Variants in ERMARD observed in about 807,000 individuals in gnomAD.
ERMARD encodes endoplasmic reticulum membrane-associated RNA degradation protein.
ERMARD carries 71 observed loss-of-function variants against 83.9 expected under a neutral mutation model. That is an observed-to-expected ratio of 0.85 (90% CI 0.70 to 1.03). The LOEUF (loss-of-function observed/expected upper bound fraction) is 1.03. ERMARD is among the 50% of genes least tolerant of loss of function. The pLI, the probability that ERMARD is intolerant of heterozygous loss-of-function variation, is 0.00. For missense variants in ERMARD, 838 were observed against 810.9 expected (o/e 1.03, Z -0.41); for synonymous variants, 284 against 298.6 (o/e 0.95, Z 0.50).
At position 169,759,959 on chromosome 6, in the gene ERMARD, T is replaced by A. The variant is rs763405923; in HGVS notation, c.727T>A (p.Leu243Met). ...SFISLTNLED[L>M]IVFPDVTYEV... ...CATATCTCTTACAAACCTCGAGGATTTGATTGTTTTTCCTGGTAAGTACTA... is the reference window on the plus strand; with the variant it reads ...CATATCTCTTACAAACCTCGAGGATATGATTGTTTTTCCTGGTAAGTACTA... Residue 243 changes from leucine to methionine, a missense_variant, in exon 7 of 18, where the codon TTG becomes ATG. Leu to Met is a conservative substitution (Grantham distance 15). Coordinates refer to ENST00000366773, the MANE Select transcript of ERMARD (RefSeq NM_018341.3). 5 of 1,614,146 alleles carry A rather than the reference T, an allele frequency of 3.1e-6. No homozygotes were observed. In the Admixed American group the frequency reaches 8.3e-5, roughly 27 times the overall value.
rs202050991 is a variant in ERMARD, at chr6:169,776,026, G to C, written c.1481G>C (p.Arg494Pro). 63 of 1,614,044 alleles carry C rather than the reference G, an allele frequency of 3.9e-5. No individual in the cohort carries two copies. The highest frequency in any genetic ancestry group is 4.0e-5 in the Non-Finnish European group (47 of 1,180,034). ...DELYHHMPEN[R>P]CVLKDLDRLP... ...CTGTATCACCATATGCCTGAGAATCGTTGTGTGTTAAAGGACTTGGATCGT... is the reference window on the plus strand; with the variant it reads ...CTGTATCACCATATGCCTGAGAATCCTTGTGTGTTAAAGGACTTGGATCGT... Residue 494 changes from arginine (R) to proline (P), a missense_variant, in exon 15 of 18, where the codon CGT (arginine) becomes CCT (proline). Transcript: ENST00000366773.
At chr6:169,753,728 T>C in intron 1 of ERMARD, 136 bp from the exon 2 acceptor site, 3 of 540,656 alleles carry the variant, frequency 5.5e-6, no homozygotes, top group Non-Finnish European at 9.3e-6. Context: ...ATCATACAGC[T>C]CTCACGATAT....
At chr6:169,755,648 T>C in intron 3 of ERMARD, 1 of 516,700 alleles carries the variant, frequency 1.9e-6, no homozygotes, top group Non-Finnish European at 3.4e-6. Flanking sequence ...TATCACAGGA[T>C]TAGGGGTTGG....
intron 1 of ERMARD, 131 bp from the exon 2 acceptor site, chr6:169,753,733 C>G (rs981554453): frequency 1.6e-5 from 9 of 558,884 alleles, no homozygotes; most frequent in Non-Finnish European, 2.6e-5. Context: ...ACAGCTCTCA[C>G]GATATCCAGA....
At chr6:169,780,780 T>A in intron 17 of ERMARD, among the ~76,000 whole-genome samples, 1 of 152,224 alleles carries the variant, frequency 6.6e-6, no homozygotes, top group East Asian at 1.9e-4. Context: ...TAGTTGGTCC[T>A]CTGTATCAGC....
intron 16 of ERMARD, 132 bp downstream of exon 16, chr6:169,776,805 T>TG (rs1350216510): frequency 3.1e-5 from 33 of 1,071,452 alleles, no homozygotes; most frequent in Admixed American, 1.3e-4. Context: ...TTGATATACT[T>TG]GGAGTCCACA....
intron 16 of ERMARD, among the ~76,000 whole-genome samples, chr6:169,777,987 C>G (rs1371845816): frequency 2.0e-5 from 3 of 152,210 alleles, no homozygotes; most frequent in African/African-American, 7.2e-5. Flanking sequence ...CCCGGCTGCT[C>G]TGGGTACAAG....
rs1790670341 is a variant in ERMARD, at chr6:169,755,397, G to A, written c.290G>A (p.Trp97Ter). 1 of 1,614,068 alleles carries A rather than the reference G, an allele frequency of 6.2e-7. No homozygotes were observed. Among genetic ancestry groups the A allele is most frequent in the South Asian group, 1.1e-5 (1 of 91,060 alleles). The stretch of plus-strand genomic sequence containing the variant: ...CAATTTGAAATTCGATATGCACCGT[G>A]GTTCCAGTGGACAAGTTTTCCAGAG... Reference protein sequence around the residue: ...KGQFEIRYAPWFQWTSFPELF... With the variant: ...KGQFEIRYAP The change falls in exon 3 of 18, where the codon TGG becomes TAG. Residue 97 changes from tryptophan to a stop codon, truncating the protein, a stop_gained. Coordinates refer to ENST00000366773, the MANE Select transcript of ERMARD (RefSeq NM_018341.3). LOFTEE classifies it high-confidence loss of function.
chr6:169,771,546 C>T (rs1792917943), intron 12 of ERMARD: 1 of 152,018 alleles, frequency 6.6e-6, no homozygotes, highest in South Asian at 2.1e-4. Flanking sequence ...AGAATGAGGC[C>T]CTCGTGGATT....
intron 8 of ERMARD, among the ~76,000 whole-genome samples, chr6:169,761,671 G>C (rs1221150113): frequency 3.8e-5 from 3 of 78,368 alleles, no homozygotes. Flanking sequence ...CTATGTGTAA[G>C]TGGTTTTGTT....
chr6:169,778,679 T>C (rs999243640), intron 16 of ERMARD, among the ~76,000 whole-genome samples: 1 of 152,224 alleles, frequency 6.6e-6, no homozygotes, highest in Admixed American at 6.5e-5. Context: ...TTACTACCAC[T>C]CTCCAAAACC....
chr6:169,770,291 A>C (rs944605235), intron 12 of ERMARD: 4 of 152,208 alleles, frequency 2.6e-5, no homozygotes, highest in African/African-American at 9.7e-5. Context: ...TGTTGTTGCT[A>C]CCACATTTTT....
At chr6:169,776,292 TGTTTA>T (rs1793581476) in intron 15 of ERMARD, 158 bp from the exon 16 acceptor site, 3 of 1,551,462 alleles carry the variant, frequency 1.9e-6, no homozygotes, top group Non-Finnish European at 2.6e-6. Flanking sequence ...CAATTCAGTG[TGTTTA>T]GTTAACACTT....
In ERMARD at chr6:169,775,966, C is replaced by A; in HGVS notation, c.1421C>A (p.Ala474Asp). The A allele has an allele frequency of 6.2e-7, 1 of 1,614,072 alleles. No individual in the cohort carries two copies. Among genetic ancestry groups the A allele is most frequent in the Non-Finnish European group, 8.5e-7 (1 of 1,180,012 alleles). Residue 474 changes from alanine to aspartate, a missense_variant, in exon 15 of 18, where the codon GCC (alanine) becomes GAC (aspartate). Ala to Asp is a moderately radical substitution (Grantham distance 126, BLOSUM62 -2). Coordinates refer to ENST00000366773, the MANE Select transcript of ERMARD (RefSeq NM_018341.3). Reference sequence around the variant, plus strand: ...TTAGAAGATAATTCTGAAACAAATGCCTGCCACTCTTTGATTACAAAAATG... The same window carrying A: ...TTAGAAGATAATTCTGAAACAAATGACTGCCACTCTTTGATTACAAAAATG... ...VRLEDNSETN[A>D]CHSLITKMTD...
At chr6:169,775,910 A>G in intron 14 of ERMARD, 30 bp from the exon 15 acceptor site, 2 of 1,612,374 alleles carry the variant, frequency 1.2e-6, no homozygotes, top group Non-Finnish European at 1.7e-6. Flanking sequence ...TTTAATTGTC[A>G]CGTATCTTTA....
intron 17 of ERMARD, among the ~76,000 whole-genome samples, chr6:169,779,740 G>T (rs1793994740): frequency 6.6e-6 from 1 of 152,202 alleles, no homozygotes; most frequent in Non-Finnish European, 1.5e-5. Flanking sequence ...AAAGTGCTGG[G>T]ATTACAGGTG....
intron 9 of ERMARD, among the ~76,000 whole-genome samples, chr6:169,763,854 G>T (rs1309396251): frequency 6.6e-6 from 1 of 152,274 alleles, no homozygotes; most frequent in Non-Finnish European, 1.5e-5. Context: ...TACGGCCCCG[G>T]AGCCGGGCTC....
intron 1 of ERMARD, among the ~76,000 whole-genome samples, chr6:169,752,725 G>T (rs931103606): frequency 3.3e-5 from 5 of 152,134 alleles, no homozygotes; most frequent in Non-Finnish European, 5.9e-5. Context: ...CTTCGGTTCC[G>T]CTTTAGATCC....
At chr6:169,760,286 T>TA (rs1227257950) in intron 7 of ERMARD, among the ~76,000 whole-genome samples, 2 of 152,236 alleles carry the variant, frequency 1.3e-5, no homozygotes, top group Non-Finnish European at 2.9e-5. Flanking sequence ...CTCCTCCTTT[T>TA]ACCTCTTGTG....
Sources: allele counts gnomAD v4.1 joint callset (sites outside exome capture counted in the v4.1 genomes callset), GRCh38; gene constraint gnomAD v4.1.1; transcripts MANE v1.5; gene names NCBI Gene and HGNC (gene_info 2026-07-23, HGNC 2026-07-21).